Variants in TP63 observed in about 807,000 individuals in gnomAD.
The protein encoded by TP63 is tumor protein 63.
In TP63, 17 loss-of-function variants were observed where a neutral mutation model predicts 82.8. The ratio of observed to expected loss-of-function variants is 0.21; its 90% CI spans 0.14 to 0.31. TP63 has a LOEUF of 0.31. TP63 is among the 10% of genes least tolerant of loss of function. TP63 has a pLI of 1.00. For synonymous variants in TP63, 330 were observed against 321.7 expected (o/e 1.03, Z -0.28); for missense variants, 648 against 895.3 (o/e 0.72, Z 3.52).
chr3:189,884,879 T>C (rs1220366617), intron 10 of TP63, among the ~76,000 whole-genome samples: 3 of 152,230 alleles, frequency 2.0e-5, no homozygotes, highest in East Asian at 1.9e-4. Flanking sequence ...CTTCCTTATT[T>C]TCATGTAATT....
chr3:189,755,865 A>T (rs79596360), intron 3 of TP63, among the ~76,000 whole-genome samples: 24,369 of 152,166 alleles, frequency 0.16, 2,101 homozygotes, highest in East Asian at 0.32. Context: ...GCCTGTCTAG[A>T]TGTCTGCCAC....
chr3:189,764,821 T>C (rs1000156068), intron 3 of TP63, among the ~76,000 whole-genome samples: 10 of 152,214 alleles, frequency 6.6e-5, no homozygotes, highest in Non-Finnish European at 1.3e-4. Flanking sequence ...ATTTTTGTAC[T>C]TCGGCGGCAC....
chr3:189,644,848 A>G (rs564221129), intron 1 of TP63, among the ~76,000 whole-genome samples: 1 of 152,018 alleles, frequency 6.6e-6, no homozygotes, highest in Non-Finnish European at 1.5e-5. Flanking sequence ...GTTGCTGCAA[A>G]TGCCATTATT....
intron 1 of TP63, among the ~76,000 whole-genome samples, chr3:189,681,375 A>C (rs1715888775): frequency 1.3e-5 from 2 of 152,202 alleles, no homozygotes; most frequent in Non-Finnish European, 2.9e-5. Flanking sequence ...AAAATTTGTA[A>C]TTAGGAAGGT....
At chr3:189,784,421 A>C (rs773661889) in intron 3 of TP63, among the ~76,000 whole-genome samples, 1 of 152,094 alleles carries the variant, frequency 6.6e-6, no homozygotes, top group Non-Finnish European at 1.5e-5. Flanking sequence ...CCAGTCTCAA[A>C]ATACACAGAT....
chr3:189,646,958 T>C (rs1712470510), intron 1 of TP63, among the ~76,000 whole-genome samples: 1 of 147,266 alleles, frequency 6.8e-6, no homozygotes, highest in Non-Finnish European at 1.5e-5. Flanking sequence ...ACGATTTTCA[T>C]TGCTCAAAGC....
intron 3 of TP63, among the ~76,000 whole-genome samples, chr3:189,806,732 T>A (rs909219033): frequency 2.0e-5 from 3 of 152,118 alleles, no homozygotes; most frequent in African/African-American, 7.2e-5. Context: ...AAGAGATTAA[T>A]AGTTATTTGA....
chr3:189,780,065 C>CA (rs71298528), intron 3 of TP63, among the ~76,000 whole-genome samples: 5,573 of 151,586 alleles, frequency 0.037, 144 homozygotes, highest in Non-Finnish European at 0.056. Flanking sequence ...CAAGAAATTA[C>CA]AAAAAAAAGC....
At position 189,837,845 on chromosome 3, in the gene TP63, G is replaced by C. The variant is rs140461266; in HGVS notation, c.580-26387G>C. The stretch of plus-strand genomic sequence containing the variant: ...TTGCCATGTTTCCCAGGCTGGTCTG[G>C]AACTCCTGGGCTTAAGCAATCCTCC... On this transcript the variant is annotated intron_variant, in intron 4 of 13. Transcript: ENST00000264731. Among the ~76,000 whole-genome samples, 659 of 152,064 alleles carry C rather than the reference G, an allele frequency of 4.3e-3. 14 individuals carry two copies. Among genetic ancestry groups the C allele is most frequent in the Admixed American group, 0.039 (594 of 15,272 alleles).
At chr3:189,737,091 T>A (rs866850075) in intron 1 of TP63, among the ~76,000 whole-genome samples, 1 of 152,168 alleles carries the variant, frequency 6.6e-6, no homozygotes, top group African/African-American at 2.4e-5. Flanking sequence ...AGTGTTCAGA[T>A]GTTTGCTTAT....
At chr3:189,688,437 A>C (rs559396252) in intron 1 of TP63, among the ~76,000 whole-genome samples, 1 of 152,172 alleles carries the variant, frequency 6.6e-6, no homozygotes, top group Non-Finnish European at 1.5e-5. Context: ...GTTGCTGAAG[A>C]GGATGCAGTT....
intron 3 of TP63, among the ~76,000 whole-genome samples, chr3:189,803,440 A>C (rs1396657510): frequency 6.6e-6 from 1 of 152,254 alleles, no homozygotes; most frequent in Non-Finnish European, 1.5e-5. Context: ...CTTTTATAGG[A>C]AAATAATTAC....
intron 1 of TP63, among the ~76,000 whole-genome samples, chr3:189,639,955 G>T (rs1326205818): frequency 1.3e-5 from 2 of 152,000 alleles, no homozygotes; most frequent in Non-Finnish European, 2.9e-5. Context: ...TTATCAATGT[G>T]TTCAATTTTT....
chr3:189,611,936 G>A, the TP63 span, among the ~76,000 whole-genome samples: 1 of 152,028 alleles, frequency 6.6e-6, no homozygotes, highest in Non-Finnish European at 1.5e-5. Context: ...TTTGGTTGTT[G>A]GTGGTGTATA....
At chr3:189,672,530 A>C (rs557663172) in intron 1 of TP63, among the ~76,000 whole-genome samples, 1 of 151,798 alleles carries the variant, frequency 6.6e-6, no homozygotes, top group Non-Finnish European at 1.5e-5. Context: ...TGAACCTGGC[A>C]GGGGAAGGCT....
At chr3:189,612,164 C>T in the TP63 span, among the ~76,000 whole-genome samples, 1 of 151,912 alleles carries the variant, frequency 6.6e-6, no homozygotes, top group African/African-American at 2.4e-5. Flanking sequence ...CAGAAATTCT[C>T]TTGAGGACTG....
At chr3:189,860,562 C>T (rs1716900997) in intron 4 of TP63, among the ~76,000 whole-genome samples, 1 of 152,178 alleles carries the variant, frequency 6.6e-6, no homozygotes, top group Non-Finnish European at 1.5e-5. Flanking sequence ...AGCGATTGTG[C>T]CAGACCACTT....
chr3:189,886,378 A>G lies in TP63; in HGVS notation c.1350-16A>G, dbSNP rs780162371. The G allele has an allele frequency of 1.9e-6, 3 of 1,613,438 alleles. No individual in the cohort carries two copies. The highest frequency in any genetic ancestry group is 1.7e-5 in the Admixed American group (1 of 60,000). On this transcript the variant is annotated splice_polypyrimidine_tract_variant and intron_variant, in intron 10 of 13. Coordinates refer to ENST00000264731, the MANE Select transcript of TP63 (RefSeq NM_003722.5). The stretch of plus-strand genomic sequence containing the variant: ...GTGTCCCTTGCTCACCATTATTTCC[A>G]TGTTTGTCTTCCTAGGACCTCAATA...
At chr3:189,615,860 C>T in the TP63 span, among the ~76,000 whole-genome samples, 1 of 152,210 alleles carries the variant, frequency 6.6e-6, no homozygotes, top group Non-Finnish European at 1.5e-5. Context: ...TGAAGGCTGC[C>T]ACTGTCATTT....
Sources: allele counts gnomAD v4.1 joint callset (sites outside exome capture counted in the v4.1 genomes callset), GRCh38; gene constraint gnomAD v4.1.1; transcripts MANE v1.5; gene names NCBI Gene and HGNC (gene_info 2026-07-23, HGNC 2026-07-21).